APC: variants seen among roughly 807,000 people sequenced by gnomAD.
APC encodes the protein adenomatous polyposis coli protein.
A neutral mutation model predicts 247.0 loss-of-function variants in APC; 72 were observed. The observed-to-expected ratio is 0.29, with a 90% confidence interval of 0.24 to 0.35. The LOEUF (loss-of-function observed/expected upper bound fraction) is 0.35. APC is among the 10% of genes least tolerant of loss of function. APC has a pLI of 1.00. For synonymous variants in APC, 1,254 were observed against 1,162.5 expected, an observed-to-expected ratio of 1.08 and a Z score of -1.60; for missense variants, 3,400 against 3,360.7, an observed-to-expected ratio of 1.01 and a Z score of -0.29.
rs1046463747 is a variant in APC at position 112,792,353 on chromosome 5, A to G, written c.646-93A>G. On this transcript the variant is annotated intron_variant, in intron 6 of 15. Coordinates refer to ENST00000257430, the MANE Select transcript of APC (RefSeq NM_000038.6). ...TTTTAAATGAGAATGATTTGACATA[A>G]CCCTGAGCTTTTAAGTGGTAGCCAT... is the stretch of plus-strand genomic sequence containing the variant. 4 of 819,636 alleles carry G rather than the reference A, an allele frequency of 4.9e-6. No individual in the cohort carries two copies. In the African/African-American group the frequency reaches 5.2e-5, roughly 11 times the overall value. The allele number at this position is 819,636 out of a possible 1,614,324, so 50.8% of individuals were successfully genotyped here.
intron 4 of APC, among the ~76,000 whole-genome samples, chr5:112,770,603 A>G (rs1338552520): frequency 6.6e-6 from 1 of 152,136 alleles, no homozygotes; most frequent in African/African-American, 2.4e-5. Flanking sequence ...CTCACTGATC[A>G]TTAGTATCAC....
At chr5:112,723,640 C>G (rs566530908) in intron 1 of APC, among the ~76,000 whole-genome samples, 2 of 152,060 alleles carry the variant, frequency 1.3e-5, no homozygotes, top group East Asian at 3.9e-4. Flanking sequence ...ATGTGTTGAC[C>G]GGAATGATGA....
intron 2 of APC, among the ~76,000 whole-genome samples, chr5:112,763,346 A>T (rs2149771976): frequency 7.8e-6 from 1 of 128,772 alleles, no homozygotes; most frequent in Middle Eastern, 4.1e-3. Context: ...GCATTTGATG[A>T]CATCATATTT....
At chr5:112,782,370 C>A (rs900560199) in intron 6 of APC, among the ~76,000 whole-genome samples, 5 of 152,202 alleles carry the variant, frequency 3.3e-5, no homozygotes, top group East Asian at 3.9e-4. Flanking sequence ...GGGGACACAG[C>A]CAAACCATAT....
At chr5:112,708,009 C>T (rs1197483862) in intron 1 of APC, 16 of 979,988 alleles carry the variant, frequency 1.6e-5, no homozygotes, top group African/African-American at 3.4e-5. Context: ...GTCTCACCCT[C>T]TCCCCTCCCC....
intron 5 of APC, among the ~76,000 whole-genome samples, chr5:112,780,506 C>T (rs1758202473): frequency 1.3e-5 from 2 of 152,146 alleles, no homozygotes. Context: ...CTCACTCTAA[C>T]TGGACCAATT....
At chr5:112,786,634 C>T (rs757249382) in intron 6 of APC, among the ~76,000 whole-genome samples, 1 of 152,064 alleles carries the variant, frequency 6.6e-6, no homozygotes, top group African/African-American at 2.4e-5. Flanking sequence ...TTATCTCCTC[C>T]CTAGTTGATG....
intron 14 of APC, among the ~76,000 whole-genome samples, chr5:112,831,249 T>C (rs755583533): frequency 1.3e-4 from 20 of 152,096 alleles, no homozygotes; most frequent in Non-Finnish European, 2.4e-4. Context: ...GCTGGGATTA[T>C]AGGCATGCGC....
At chr5:112,727,490 G>T (rs1751854292) in intron 1 of APC, among the ~76,000 whole-genome samples, 1 of 152,048 alleles carries the variant, frequency 6.6e-6, no homozygotes, top group Non-Finnish European at 1.5e-5. Context: ...CCATTACTAT[G>T]CCCTATATTT....
At chr5:112,725,173 A>G (rs1222312013) in intron 1 of APC, among the ~76,000 whole-genome samples, 3 of 151,966 alleles carry the variant, frequency 2.0e-5, no homozygotes, top group Admixed American at 6.6e-5. Context: ...GAGTTTCACT[A>G]TGTTGGCCAG....
At chr5:112,710,541 C>A (rs981531113) in intron 1 of APC, among the ~76,000 whole-genome samples, 2 of 152,162 alleles carry the variant, frequency 1.3e-5, no homozygotes, top group African/African-American at 4.8e-5. Flanking sequence ...CTTCTTCAGC[C>A]TCTCCCTCTC....
intron 1 of APC, among the ~76,000 whole-genome samples, chr5:112,720,074 A>G (rs1027773832): frequency 1.3e-5 from 2 of 152,236 alleles, no homozygotes; most frequent in African/African-American, 4.8e-5. Flanking sequence ...AAACTAAGCT[A>G]TGGTAGTCTA....
rs768286117 is a variant in APC, at chr5:112,838,426, T to C, written c.2832T>C (p.Asn944=). The change falls in exon 16 of 16, where the codon AAT becomes AAC. Residue 944 remains asparagine (N), a synonymous_variant. Transcript: ENST00000257430. ...TYNFTKSENS[N]RTCSMPYAKL... Reference sequence around the variant, plus strand: ...ATTTCACTAAGTCGGAAAATTCAAATAGGACATGTTCTATGCCTTATGCCA... The same window carrying C: ...ATTTCACTAAGTCGGAAAATTCAAACAGGACATGTTCTATGCCTTATGCCA... The C allele has an allele frequency of 1.9e-6, 3 of 1,614,216 alleles. No homozygotes were observed. The highest frequency in any genetic ancestry group is 1.1e-5 in the South Asian group (1 of 91,084).
At position 112,840,588 on chromosome 5, in the gene APC, C is replaced by T. The variant is rs1176817504; in HGVS notation, c.4994C>T (p.Pro1665Leu). ...TSLSDLTIES[P>L]PNELAAGEGV... ...CTAAGTGATCTAACAATCGAATCCC[C>T]TCCAAATGAGTTAGCTGCTGGAGAA... The change falls in exon 16 of 16, where the codon CCT becomes CTT. Residue 1665 changes from proline (P) to leucine (L), a missense_variant. Physicochemically the swap from Pro to Leu is moderately conservative, Grantham distance 98 (BLOSUM62 -3). Transcript: ENST00000257430. This position sits in a 1 kb window ranked among gnomAD's most constrained non-coding sequence, Gnocchi z 4.1. The T allele has an allele frequency of 1.2e-6, 2 of 1,614,144 alleles. No individual in the cohort carries two copies. The highest frequency in any genetic ancestry group is 1.7e-6 in the Non-Finnish European group (2 of 1,180,010).
chr5:112,840,132 A>C lies in APC; in HGVS notation c.4538A>C (p.Glu1513Ala). ...SSSLSALSLD[E>A]PFIQKDVELR... Reference sequence around the variant, plus strand: ...AGCCTGAGTGCTCTGAGCCTCGATGAGCCATTTATACAGAAAGATGTGGAA... The same window carrying C: ...AGCCTGAGTGCTCTGAGCCTCGATGCGCCATTTATACAGAAAGATGTGGAA... Residue 1513 changes from glutamate to alanine, a missense_variant, in exon 16 of 16, where the codon GAG becomes GCG. Around this residue, in one of 9 missense-constraint regions of APC, gnomAD observed 1,788 missense variants for 1,649.5 expected, o/e 1.08. Transcript: ENST00000257430. The surrounding 1 kb of genome is among the most constrained non-coding windows in gnomAD (Gnocchi z 4.1). 6.2e-7 allele frequency: 1 copy of C among 1,614,132 alleles called. No homozygotes were observed. Among genetic ancestry groups the C allele is most frequent in the Non-Finnish European group, 8.5e-7 (1 of 1,180,016 alleles).
chr5:112,731,824 T>C (rs112544299), intron 1 of APC, among the ~76,000 whole-genome samples: 1,726 of 152,292 alleles, frequency 0.011, 25 homozygotes, highest in African/African-American at 0.026. Context: ...TGCAGTGGCG[T>C]GATCTCTGTT....
chr5:112,837,918 A>C lies in APC; in HGVS notation c.2324A>C (p.Asn775Thr). Residue 775 changes from asparagine to threonine, a missense_variant, in exon 16 of 16, where the codon AAT becomes ACT. Asn to Thr is a moderately conservative substitution (Grantham distance 65). Coordinates refer to ENST00000257430, the MANE Select transcript of APC (RefSeq NM_000038.6). ...CAGCACTTATCAGAAACTTTTGACA[A>C]TATAGACAATTTAAGTCCCAAGGCA... ...DAQHLSETFD[N>T]IDNLSPKASH... 1 of 1,614,132 alleles carries C rather than the reference A, an allele frequency of 6.2e-7. No individual in the cohort carries two copies. The highest frequency in any genetic ancestry group is 8.5e-7 in the Non-Finnish European group (1 of 1,180,020).
rs1015952631 is a variant in APC at position 112,707,686 on chromosome 5, C to T, written c.-32C>T. 4.2e-5 allele frequency: 58 copies of T among 1,370,494 alleles called. No homozygotes were observed. Among genetic ancestry groups the T allele is most frequent in the Non-Finnish European group, 5.3e-5 (55 of 1,038,748 alleles). 84.9% of individuals were successfully genotyped at this position (1,370,494 alleles called of 1,614,324 possible). A position where few individuals can be genotyped will look rare whatever the true frequency, so the allele number is the denominator to read the frequency against. ...GGCTGTTGGTGAGGAAGGTGAAGCACTCAGTTGCCTTCTCGGGCCTCGGCG... is the reference window on the plus strand; with the variant it reads ...GGCTGTTGGTGAGGAAGGTGAAGCATTCAGTTGCCTTCTCGGGCCTCGGCG... On this transcript the variant is annotated 5_prime_UTR_variant, in exon 1 of 14. Coordinates refer to the APC transcript ENST00000507379.
chr5:112,825,317 G>A (rs552929748), intron 11 of APC, among the ~76,000 whole-genome samples: 3 of 152,084 alleles, frequency 2.0e-5, no homozygotes, highest in South Asian at 4.1e-4. Flanking sequence ...ACTCATAGTC[G>A]ATTTTGTTCA....
Sources: allele counts gnomAD v4.1 joint callset (sites outside exome capture counted in the v4.1 genomes callset), GRCh38; gene constraint gnomAD v4.1.1; regional missense constraint gnomAD v4.1.1; non-coding constraint Gnocchi (gnomAD v3.1); transcripts MANE v1.5; gene names NCBI Gene and HGNC (gene_info 2026-07-23, HGNC 2026-07-21).